Variants in UBE2E2 observed in about 807,000 individuals in gnomAD.
The protein encoded by UBE2E2 is ubiquitin-conjugating enzyme E2 E2.
UBE2E2 carries 6 observed loss-of-function variants against 24.7 expected under a neutral mutation model. The observed-to-expected ratio is 0.24, with a 90% CI of 0.13 to 0.48. UBE2E2 has a LOEUF of 0.48. Ranked by LOEUF, UBE2E2 falls within the 20% of genes least tolerant of loss-of-function variation. UBE2E2 has a pLI of 0.99. For missense variants in UBE2E2, 169 were observed against 245.0 expected (o/e 0.69, Z 2.07); for synonymous variants, 104 against 83.6 (o/e 1.24, Z -1.33).
At chr3:23,222,472 G>A (rs796553260) in intron 3 of UBE2E2, among the ~76,000 whole-genome samples, 8 of 152,216 alleles carry the variant, frequency 5.3e-5, no homozygotes, top group African/African-American at 1.9e-4. Flanking sequence ...CATGGGGGTG[G>A]TATCCCCCAT....
intron 5 of UBE2E2, among the ~76,000 whole-genome samples, chr3:23,581,740 G>T (rs1696481902): frequency 6.6e-6 from 1 of 152,056 alleles, no homozygotes; most frequent in South Asian, 2.1e-4. Flanking sequence ...TTATGAAAGG[G>T]GAATAAAAAA....
intron 3 of UBE2E2, among the ~76,000 whole-genome samples, chr3:23,236,085 A>G (rs1362490753): frequency 6.6e-6 from 1 of 152,170 alleles, no homozygotes; most frequent in Non-Finnish European, 1.5e-5. Flanking sequence ...AGCAGCTAGC[A>G]GAGGAGTCCT....
At position 23,347,562 on chromosome 3, in the gene UBE2E2, G is replaced by A. The variant is rs190410195; in HGVS notation, c.227+130250G>A. Among the ~76,000 whole-genome samples, 386 of 152,186 alleles carry A rather than the reference G, an allele frequency of 2.5e-3. 3 individuals are homozygous for A. The highest frequency in any genetic ancestry group is 8.9e-3 in the African/African-American group (369 of 41,506). On this transcript the variant is annotated intron_variant, in intron 3 of 5. Transcript: ENST00000396703. ...ACACTGGGGCCTGTTGTGGGGTGGG[G>A]GCCTGGGGGAGGGATAGCATTAGGA... is the stretch of plus-strand genomic sequence containing the variant.
intron 2 of UBE2E2, among the ~76,000 whole-genome samples, chr3:23,211,060 C>G (rs1029189465): frequency 6.6e-6 from 1 of 152,008 alleles, no homozygotes; most frequent in African/African-American, 2.4e-5. Context: ...CACAGAGGAC[C>G]CCACATCTTT....
At chr3:23,379,338 C>T (rs910818377) in intron 3 of UBE2E2, among the ~76,000 whole-genome samples, 6 of 151,110 alleles carry the variant, frequency 4.0e-5, no homozygotes, top group African/African-American at 1.5e-4. Flanking sequence ...TGGTGCGCTG[C>T]ACCCACTAAC....
intron 3 of UBE2E2, among the ~76,000 whole-genome samples, chr3:23,406,525 A>C (rs574023785): frequency 1.3e-5 from 2 of 152,350 alleles, no homozygotes; most frequent in Admixed American, 1.3e-4. Flanking sequence ...TATTGTTGTT[A>C]TGTATCCGCT....
intron 3 of UBE2E2, among the ~76,000 whole-genome samples, chr3:23,307,390 A>G (rs1699266117): frequency 6.6e-6 from 1 of 152,136 alleles, no homozygotes; most frequent in Admixed American, 6.6e-5. Flanking sequence ...ATTATTGCTT[A>G]TTTATATACT....
At chr3:23,350,312 C>A (rs1449144040) in intron 3 of UBE2E2, among the ~76,000 whole-genome samples, 1 of 152,040 alleles carries the variant, frequency 6.6e-6, no homozygotes, top group African/African-American at 2.4e-5. Flanking sequence ...AACTGGAAAC[C>A]CTAAAAAGCA....
At chr3:23,275,625 A>G (rs1401027511) in intron 3 of UBE2E2, among the ~76,000 whole-genome samples, 1 of 152,226 alleles carries the variant, frequency 6.6e-6, no homozygotes, top group Non-Finnish European at 1.5e-5. Flanking sequence ...CTATTGCTCT[A>G]TAGTTTCAGC....
chr3:23,338,737 A>C (rs2125307976), intron 3 of UBE2E2, among the ~76,000 whole-genome samples: 1 of 152,346 alleles, frequency 6.6e-6, no homozygotes, highest in African/African-American at 2.4e-5. Flanking sequence ...TGAGCACTAT[A>C]ATAATGGGCC....
intron 3 of UBE2E2, among the ~76,000 whole-genome samples, chr3:23,290,670 A>C (rs1202283260): frequency 6.6e-6 from 1 of 152,066 alleles, no homozygotes; most frequent in African/African-American, 2.4e-5. Context: ...TTTAGAATTT[A>C]AAACCTCAGA....
chr3:23,427,308 T>G (rs1284148926), intron 3 of UBE2E2, among the ~76,000 whole-genome samples: 1 of 150,326 alleles, frequency 6.7e-6, no homozygotes, highest in Non-Finnish European at 1.5e-5. Context: ...TATGTGCCTG[T>G]AGTTCCAGCT....
At chr3:23,462,413 A>G (rs1698823168) in intron 3 of UBE2E2, among the ~76,000 whole-genome samples, 2 of 152,180 alleles carry the variant, frequency 1.3e-5, no homozygotes, top group South Asian at 4.1e-4. Flanking sequence ...GTGCATCTCT[A>G]CTTAGTCCTT....
At chr3:23,341,045 T>C (rs1365793737) in intron 3 of UBE2E2, among the ~76,000 whole-genome samples, 1 of 152,208 alleles carries the variant, frequency 6.6e-6, no homozygotes, top group Non-Finnish European at 1.5e-5. Context: ...ATGTTTCTTT[T>C]GAAATGCAGA....
intron 3 of UBE2E2, among the ~76,000 whole-genome samples, chr3:23,231,308 CTTAG>C (rs1696968183): frequency 6.6e-6 from 1 of 152,124 alleles, no homozygotes; most frequent in Non-Finnish European, 1.5e-5. Flanking sequence ...AGTTCCACAT[CTTAG>C]TTGGTTAGTG....
At chr3:23,552,439 C>A (rs1559419286) in intron 5 of UBE2E2, among the ~76,000 whole-genome samples, 1 of 152,138 alleles carries the variant, frequency 6.6e-6, no homozygotes, top group Non-Finnish European at 1.5e-5. Flanking sequence ...TTGAGTAGAT[C>A]TGGATTTCAT....
chr3:23,314,868 T>C (rs1315840447), intron 3 of UBE2E2, among the ~76,000 whole-genome samples: 2 of 152,198 alleles, frequency 1.3e-5, no homozygotes, highest in Admixed American at 1.3e-4. Context: ...TCTCACTCTT[T>C]TTAGTATCCT....
chr3:23,577,766 A>G (rs954774930), intron 5 of UBE2E2, among the ~76,000 whole-genome samples: 3 of 152,230 alleles, frequency 2.0e-5, no homozygotes, highest in African/African-American at 7.2e-5. Flanking sequence ...AGAGAAATCA[A>G]TGCCTGGCTA....
At chr3:23,440,222 C>A (rs1698274879) in intron 3 of UBE2E2, among the ~76,000 whole-genome samples, 1 of 152,150 alleles carries the variant, frequency 6.6e-6, no homozygotes, top group African/African-American at 2.4e-5. Flanking sequence ...TGCAGTGAGC[C>A]AAGATCACGC....
Sources: allele counts gnomAD v4.1 joint callset (sites outside exome capture counted in the v4.1 genomes callset), GRCh38; gene constraint gnomAD v4.1.1; transcripts MANE v1.5; gene names NCBI Gene and HGNC (gene_info 2026-07-23, HGNC 2026-07-21).